FGFR1: variants seen among roughly 807,000 people sequenced by gnomAD.
FGFR1 encodes the protein fibroblast growth factor receptor 1.
Under a neutral mutation model 93.7 loss-of-function variants are expected in FGFR1, and 18 were observed. The observed-to-expected ratio is 0.19, with a 90% CI of 0.13 to 0.28. The LOEUF (loss-of-function observed/expected upper bound fraction) is 0.28, where lower values mean the gene tolerates loss of function less well. Ranked by LOEUF, FGFR1 falls within the 10% of genes least tolerant of loss-of-function variation. The probability of loss-of-function intolerance (pLI) is 1.00; values close to 1 mark genes in which losing one functional copy is unlikely to be tolerated. For missense variants in FGFR1, 731 were observed against 1,080.4 expected, an observed-to-expected ratio of 0.68 and a Z score of 4.53; for synonymous variants, 448 against 429.3, an observed-to-expected ratio of 1.04 and a Z score of -0.54.
chr8:38,462,531 T>C (rs1834634532), intron 1 of FGFR1, among the ~76,000 whole-genome samples: 1 of 152,128 alleles, frequency 6.6e-6, no homozygotes, highest in African/African-American at 2.4e-5. Context: ...TACCTATTTC[T>C]TTCTTTTAAC....
At chr8:38,452,072 T>TA (rs1484100118) in intron 2 of FGFR1, among the ~76,000 whole-genome samples, 6 of 151,778 alleles carry the variant, frequency 4.0e-5, no homozygotes, top group Admixed American at 3.9e-4. Context: ...GAACCCTTAT[T>TA]AAATCAACTT....
chr8:38,419,155 C>T (rs1051696900), intron 9 of FGFR1, among the ~76,000 whole-genome samples: 1 of 152,206 alleles, frequency 6.6e-6, no homozygotes, highest in Non-Finnish European at 1.5e-5. Flanking sequence ...TTGGGTATGT[C>T]TTTCTCAGCA....
chr8:38,429,573 G>A lies in FGFR1; in HGVS notation c.358+109C>T. 8.3e-7 allele frequency: 1 copy of A among 1,204,808 alleles called. No homozygotes were observed. Among genetic ancestry groups the A allele is most frequent in the South Asian group, 1.4e-5 (1 of 71,234 alleles). 74.6% of individuals were successfully genotyped at this position (1,204,808 alleles called of 1,614,324 possible). Reference sequence around the variant, plus strand: ...AGTGGGCAGCAGTTTCTGAAGCAGAGTGGGGGCAGATCACGGAGGGGGAGG... The same window carrying A: ...AGTGGGCAGCAGTTTCTGAAGCAGAATGGGGGCAGATCACGGAGGGGGAGG... On this transcript the variant is annotated intron_variant, in intron 3 of 17. Transcript: ENST00000447712. The surrounding 1 kb of genome is among the most constrained non-coding windows in gnomAD (Gnocchi z 4.4).
At chr8:38,417,744 C>T (rs1817217825) in intron 11 of FGFR1, 126 bp downstream of exon 11, 3 of 1,376,356 alleles carry the variant, frequency 2.2e-6, no homozygotes, top group African/African-American at 1.4e-5. Context: ...CCAGGTAACC[C>T]CAAGCAGGCA....
At position 38,421,788 on chromosome 8, in the gene FGFR1, A is replaced by G. The variant is rs1388610205; in HGVS notation, c.1081+9T>C. 5 of 1,614,104 alleles carry G rather than the reference A, an allele frequency of 3.1e-6. No individual in the cohort carries two copies. Among genetic ancestry groups the G allele is most frequent in the Non-Finnish European group, 3.4e-6 (4 of 1,179,968 alleles). On this transcript the variant is annotated intron_variant, in intron 8 of 17. Coordinates refer to ENST00000447712, the MANE Select transcript of FGFR1 (RefSeq NM_023110.3). ...GCAGGACATCGAGAGGAGAAGTTAC[A>G]GTGTGTACCTTCCAGAACGGTCAAC... is the stretch of plus-strand genomic sequence containing the variant.
At position 38,427,811 on chromosome 8, in the gene FGFR1, T is replaced by G. The variant is rs1343378009; in HGVS notation, c.621+110A>C. On this transcript the variant is annotated intron_variant, in intron 5 of 17. Transcript: ENST00000447712. ...TATTTAAAAATTTTAATGAATAACC[T>G]GTATAGGTGGAAAGTATTACTTAAA... The G allele has an allele frequency of 2.5e-6, 3 of 1,190,242 alleles. No individual in the cohort carries two copies. The African/African-American group carries it at 4.5e-5, about 18-fold the overall frequency. The allele number at this position is 1,190,242 out of a possible 1,614,324, so 73.7% of individuals were successfully genotyped here.
chr8:38,445,641 T>C (rs1563580662), intron 2 of FGFR1, among the ~76,000 whole-genome samples: 2 of 151,906 alleles, frequency 1.3e-5, no homozygotes. Flanking sequence ...TGGATTCAAG[T>C]GCTTCTCCTG....
intron 2 of FGFR1, among the ~76,000 whole-genome samples, chr8:38,454,820 A>C (rs139503793): frequency 6.6e-6 from 1 of 152,194 alleles, no homozygotes; most frequent in Non-Finnish European, 1.5e-5. Flanking sequence ...GTGGCAGAGC[A>C]GGATGCAAAC....
chr8:38,419,837 CT>C, intron 8 of FGFR1, 102 bp from the exon 9 acceptor site: 1 of 990,598 alleles, frequency 1.0e-6, no homozygotes, highest in Non-Finnish European at 1.5e-6. Flanking sequence ...CCCCTGGGAA[CT>C]TTTAGGGAGA....
chr8:38,466,336 G>A, intron 1 of FGFR1: 3 of 232,342 alleles, frequency 1.3e-5, no homozygotes, highest in East Asian at 6.0e-5. Flanking sequence ...CGCAGCTCCA[G>A]CTATAACACA....
At chr8:38,423,335 T>TTTTA in intron 7 of FGFR1, 2 of 559,820 alleles carry the variant, frequency 3.6e-6, no homozygotes, top group African/African-American at 3.9e-5. Context: ...TTTTTTTTTT[T>TTTTA]AACGCAGAGT....
At chr8:38,439,567 A>G (rs1378986954) in intron 2 of FGFR1, among the ~76,000 whole-genome samples, 1 of 152,020 alleles carries the variant, frequency 6.6e-6, no homozygotes, top group Non-Finnish European at 1.5e-5. Flanking sequence ...CCAGACCCCC[A>G]ACACTCCATG....
Position 38,413,571 on chromosome 8 carries a change from G to C in FGFR1, c.*57C>G, listed in dbSNP as rs1815103657. On this transcript the variant is annotated 3_prime_UTR_variant, in exon 18 of 18. Coordinates refer to ENST00000447712, the MANE Select transcript of FGFR1 (RefSeq NM_023110.3). The surrounding 1 kb of genome is among the most constrained non-coding windows in gnomAD (Gnocchi z 4.2). ...CGGACAGGTGGTGGGCCCAGCAGGG[G>C]CTGTGGGTGAGGGTTACAGCTGACG... 1.3e-6 allele frequency: 2 copies of C among 1,541,200 alleles called. No homozygotes were observed. Among genetic ancestry groups the C allele is most frequent in the Non-Finnish European group, 1.8e-6 (2 of 1,137,342 alleles).
intron 1 of FGFR1, among the ~76,000 whole-genome samples, chr8:38,459,764 TA>T: frequency 6.6e-6 from 1 of 152,196 alleles, no homozygotes; most frequent in Admixed American, 6.5e-5. Flanking sequence ...AGGAAGTAAA[TA>T]AGGGATTGAT....
chr8:38,462,324 T>C (rs1376664837), intron 1 of FGFR1, among the ~76,000 whole-genome samples: 1 of 152,026 alleles, frequency 6.6e-6, no homozygotes, highest in Non-Finnish European at 1.5e-5. Context: ...GCCAACATGG[T>C]GAAACCCCGT....
chr8:38,415,025 C>T (rs1586117426), intron 13 of FGFR1, 124 bp from the exon 14 acceptor site: 2 of 723,130 alleles, frequency 2.8e-6, no homozygotes, highest in Non-Finnish European at 4.6e-6. Flanking sequence ...GCTCTGCCCC[C>T]CGAACCTTTG....
At chr8:38,415,522 A>C (rs1386785077) in intron 13 of FGFR1, among the ~76,000 whole-genome samples, 1 of 150,340 alleles carries the variant, frequency 6.7e-6, no homozygotes, top group African/African-American at 2.5e-5. Context: ...ACCTGGTCTC[A>C]CACTCCTGAG....
At chr8:38,419,355 G>C (rs186054985) in intron 9 of FGFR1, among the ~76,000 whole-genome samples, 178 bp downstream of exon 9, 2 of 152,120 alleles carry the variant, frequency 1.3e-5, no homozygotes, top group African/African-American at 2.4e-5. Flanking sequence ...GGAAATTCAC[G>C]GGCTACACTA....
intron 8 of FGFR1, chr8:38,419,995 T>C: frequency 8.0e-6 from 4 of 497,546 alleles, no homozygotes; most frequent in South Asian, 6.9e-5. Flanking sequence ...CCCATCTTCA[T>C]TAATTCCTGA....
Sources: gnomAD v4.1 joint callset for allele counts (sites outside exome capture counted in the v4.1 genomes callset) on GRCh38, gnomAD v4.1.1 for gene constraint, Gnocchi (gnomAD v3.1) non-coding constraint, MANE v1.5 for transcripts, NCBI Gene and HGNC (gene_info 2026-07-23, HGNC 2026-07-21) for gene names.